The following DNAH14 variants were observed in gnomAD, a reference collection of about 807,000 sequenced individuals.
DNAH14 encodes dynein axonemal heavy chain 14, also known as axonemal beta dynein heavy chain 14.
In DNAH14, 478 loss-of-function variants were observed where a neutral mutation model predicts 520.9. The ratio of observed to expected loss-of-function variants is 0.92; its 90% CI spans 0.85 to 0.99. The LOEUF (loss-of-function observed/expected upper bound fraction) is 0.99, where lower values mean the gene tolerates loss of function less well. Among genes scored for constraint, DNAH14 ranks in the 50% least tolerant of loss-of-function variants. The probability of loss-of-function intolerance (pLI) is 0.00; values close to 1 mark genes in which losing one functional copy is unlikely to be tolerated. For missense variants in DNAH14, 4,831 were observed against 5,234.5 expected, an observed-to-expected ratio of 0.92 and a Z score of 2.38; for synonymous variants, 1,581 against 1,757.2, an observed-to-expected ratio of 0.90 and a Z score of 2.51.
intron 64 of DNAH14, among the ~76,000 whole-genome samples, chr1:225,327,759 A>T (rs879861635): frequency 3.3e-5 from 5 of 152,110 alleles, no homozygotes; most frequent in Non-Finnish European, 7.4e-5. Flanking sequence ...AGAAAAAAAA[A>T]TAGCGAAAAT....
At chr1:225,376,320 G>A (rs1430754511) in intron 78 of DNAH14, among the ~76,000 whole-genome samples, 1 of 151,928 alleles carries the variant, frequency 6.6e-6, no homozygotes, top group Non-Finnish European at 1.5e-5. Context: ...CTAGCTACAT[G>A]GGAGGCTGAG....
At chr1:224,935,287 T>C (rs1398983932) in intron 1 of DNAH14, among the ~76,000 whole-genome samples, 1 of 151,834 alleles carries the variant, frequency 6.6e-6, no homozygotes, top group African/African-American at 2.4e-5. Flanking sequence ...TTAAAAGATA[T>C]AGAATAGCTG....
chr1:225,131,917 A>G (rs1378726378), intron 27 of DNAH14, among the ~76,000 whole-genome samples: 1 of 152,182 alleles, frequency 6.6e-6, no homozygotes, highest in African/African-American at 2.4e-5. Context: ...CAGCTAAGGA[A>G]TAGGCAAAAG....
intron 36 of DNAH14, 65 bp from the exon 37 acceptor site, chr1:225,185,226 G>T: frequency 6.8e-7 from 1 of 1,470,754 alleles, no homozygotes; most frequent in Non-Finnish European, 9.1e-7. Flanking sequence ...AATGGATATA[G>T]AGATATATTG....
At chr1:224,940,844 GA>G (rs2059375500) in intron 1 of DNAH14, among the ~76,000 whole-genome samples, 2 of 152,168 alleles carry the variant, frequency 1.3e-5, no homozygotes, top group African/African-American at 2.4e-5. Context: ...CAAAGGACAT[GA>G]ACTCATCCTT....
At chr1:224,947,173 C>G (rs1453822269) in intron 1 of DNAH14, among the ~76,000 whole-genome samples, 1 of 152,040 alleles carries the variant, frequency 6.6e-6, no homozygotes, top group Admixed American at 6.6e-5. Flanking sequence ...TCACCTTGGC[C>G]TCCGAAAGTG....
chr1:225,023,504 A>T, intron 10 of DNAH14, 111 bp from the exon 11 acceptor site: 1 of 840,450 alleles, frequency 1.2e-6, no homozygotes. Flanking sequence ...TAAAATATCA[A>T]TTCTTAACAT....
At chr1:225,050,599 C>A (rs2068444050) in intron 16 of DNAH14, among the ~76,000 whole-genome samples, 2 of 152,204 alleles carry the variant, frequency 1.3e-5, no homozygotes, top group Non-Finnish European at 2.9e-5. Context: ...TCTTTTATGG[C>A]TACCTCATAA....
chr1:225,267,431 C>T (rs1344861250), intron 49 of DNAH14, among the ~76,000 whole-genome samples: 2 of 151,490 alleles, frequency 1.3e-5, no homozygotes, highest in African/African-American at 4.9e-5. Context: ...GTAGCTGGGA[C>T]TACAGGCGCC....
chr1:225,320,510 T>G (rs2094539102), intron 61 of DNAH14, among the ~76,000 whole-genome samples: 1 of 152,216 alleles, frequency 6.6e-6, no homozygotes, highest in Non-Finnish European at 1.5e-5. Context: ...GTATTTTACT[T>G]TGCTCACTCC....
intron 8 of DNAH14, among the ~76,000 whole-genome samples, chr1:224,995,060 C>G (rs1184960520): frequency 1.3e-5 from 2 of 152,044 alleles, no homozygotes; most frequent in African/African-American, 4.8e-5. Context: ...TGTCTTAATC[C>G]TTGTACTAGG....
intron 52 of DNAH14, among the ~76,000 whole-genome samples, chr1:225,273,668 T>C (rs2093377413): frequency 6.6e-6 from 1 of 152,210 alleles, no homozygotes; most frequent in Non-Finnish European, 1.5e-5. Flanking sequence ...TTCATTTTTC[T>C]CCAGGACTCA....
chr1:225,374,145 C>CTATATATATATATATATATATATATATA (rs71170080), intron 77 of DNAH14, among the ~76,000 whole-genome samples: 2 of 33,056 alleles, frequency 6.1e-5, no homozygotes, highest in Non-Finnish European at 1.0e-4. Context: ...TTGTGTCTTA[C>CTATATATATATATATATATATATATATA]TATATATATA....
intron 55 of DNAH14, among the ~76,000 whole-genome samples, chr1:225,296,007 T>G (rs1574589183): frequency 6.6e-6 from 1 of 152,204 alleles, no homozygotes; most frequent in East Asian, 1.9e-4. Context: ...CCTTTGTCTC[T>G]TTTTACAGCT....
intron 62 of DNAH14, among the ~76,000 whole-genome samples, chr1:225,323,140 C>T (rs1262513721): frequency 6.6e-6 from 1 of 152,160 alleles, no homozygotes; most frequent in Non-Finnish European, 1.5e-5. Context: ...AGAACATCCT[C>T]AGTGAGCCCC....
intron 15 of DNAH14, among the ~76,000 whole-genome samples, chr1:225,048,960 T>A (rs1265149518): frequency 1.3e-5 from 2 of 152,012 alleles, no homozygotes; most frequent in Non-Finnish European, 2.9e-5. Flanking sequence ...ATTTCACTAG[T>A]AACAAATGAT....
intron 64 of DNAH14, among the ~76,000 whole-genome samples, chr1:225,327,160 C>CTT (rs10712547): frequency 6.9e-6 from 1 of 144,024 alleles, no homozygotes. Context: ...AAATTAGTAA[C>CTT]TTTTTTTTTT....
intron 36 of DNAH14, among the ~76,000 whole-genome samples, chr1:225,170,175 G>A (rs1323258659): frequency 6.6e-6 from 1 of 152,166 alleles, no homozygotes; most frequent in Admixed American, 6.5e-5. Flanking sequence ...ATGCCAAATT[G>A]CAAAGACCGT....
chr1:225,335,379 A>ATGCACATATACACGTGTGTACATGTGTG (rs1558428139), intron 66 of DNAH14, among the ~76,000 whole-genome samples: 2 of 44,504 alleles, frequency 4.5e-5, no homozygotes, highest in African/African-American at 2.7e-4. Context: ...ATGTGTGTGT[A>ATGCACATATACACGTGTGTACATGTGTG]TATGCACATA....
Sources: allele counts gnomAD v4.1 joint callset (sites outside exome capture counted in the v4.1 genomes callset), GRCh38; gene constraint gnomAD v4.1.1; transcripts MANE v1.5; gene names NCBI Gene and HGNC (gene_info 2026-07-23, HGNC 2026-07-21).